The following MSRB3 variants were observed in gnomAD, a reference collection of about 807,000 sequenced individuals.
The protein encoded by MSRB3 is methionine-R-sulfoxide reductase B3.
In MSRB3, 13 loss-of-function variants were observed where a neutral mutation model predicts 21.0. That is an observed-to-expected ratio of 0.62 (90% CI 0.40 to 0.98). The LOEUF (loss-of-function observed/expected upper bound fraction) is 0.98, where lower values mean the gene tolerates loss of function less well. Ranked by LOEUF, MSRB3 falls within the 50% of genes least tolerant of loss-of-function variation. MSRB3 has a pLI of 0.00. For synonymous variants in MSRB3, 87 were observed against 88.6 expected (o/e 0.98, Z 0.10); for missense variants, 199 against 230.3 (o/e 0.86, Z 0.88).
chr12:65,424,781 T>C (rs1181472288), intron 5 of MSRB3, among the ~76,000 whole-genome samples: 1 of 151,344 alleles, frequency 6.6e-6, no homozygotes, highest in Admixed American at 6.6e-5. Flanking sequence ...ATATGTATTC[T>C]GCTGCTGTTG....
At chr12:65,347,612 C>A (rs1876609058) in intron 4 of MSRB3, among the ~76,000 whole-genome samples, 1 of 152,204 alleles carries the variant, frequency 6.6e-6, no homozygotes, top group Non-Finnish European at 1.5e-5. Context: ...GCCAGAACTT[C>A]CAACACTATG....
intron 4 of MSRB3, among the ~76,000 whole-genome samples, chr12:65,364,417 C>T (rs554442000): frequency 3.3e-5 from 5 of 152,134 alleles, no homozygotes; most frequent in South Asian, 2.1e-4. Context: ...CCAAAAGAAA[C>T]GGTTGAATAG....
intron 5 of MSRB3, among the ~76,000 whole-genome samples, chr12:65,401,086 G>A (rs1206572532): frequency 2.0e-5 from 3 of 152,200 alleles, no homozygotes; most frequent in Non-Finnish European, 4.4e-5. Context: ...TGTATATTCT[G>A]TTGATTTGGG....
At chr12:65,290,120 T>C (rs937281133) in intron 1 of MSRB3, among the ~76,000 whole-genome samples, 1 of 141,774 alleles carries the variant, frequency 7.1e-6, no homozygotes, top group African/African-American at 2.6e-5. Context: ...AGCTTCATTA[T>C]CTATATATTT....
chr12:65,357,218 C>G (rs1296310533), intron 4 of MSRB3, among the ~76,000 whole-genome samples: 1 of 151,864 alleles, frequency 6.6e-6, no homozygotes, highest in Non-Finnish European at 1.5e-5. Context: ...CATATCTAGT[C>G]TACCAATGCA....
At chr12:65,392,317 G>A (rs1879524776) in intron 5 of MSRB3, among the ~76,000 whole-genome samples, 1 of 152,134 alleles carries the variant, frequency 6.6e-6, no homozygotes, top group Non-Finnish European at 1.5e-5. Context: ...AATAGTGGAT[G>A]TCTATTTTTT....
At chr12:65,432,911 T>C (rs1006739999) in intron 5 of MSRB3, among the ~76,000 whole-genome samples, 1 of 151,992 alleles carries the variant, frequency 6.6e-6, no homozygotes, top group Non-Finnish European at 1.5e-5. Flanking sequence ...TGTGAATTTG[T>C]CAGTGACTCA....
At chr12:65,422,339 G>C (rs1370363190) in intron 5 of MSRB3, among the ~76,000 whole-genome samples, 12 of 142,122 alleles carry the variant, frequency 8.4e-5, no homozygotes, top group Admixed American at 8.1e-4. Context: ...AATTAACAAA[G>C]ATATTTAGGA....
chr12:65,430,894 A>G (rs1378540636), intron 5 of MSRB3, among the ~76,000 whole-genome samples: 1 of 152,072 alleles, frequency 6.6e-6, no homozygotes, highest in Non-Finnish European at 1.5e-5. Context: ...TCATACAGGC[A>G]AGTCTGGTGC....
At chr12:65,426,552 T>G (rs1351870482) in intron 5 of MSRB3, among the ~76,000 whole-genome samples, 1 of 152,212 alleles carries the variant, frequency 6.6e-6, no homozygotes, top group Non-Finnish European at 1.5e-5. Flanking sequence ...TGATTGATGA[T>G]ATTTATTACC....
chr12:65,344,582 T>C (rs1876364278), intron 4 of MSRB3, among the ~76,000 whole-genome samples: 3 of 152,034 alleles, frequency 2.0e-5, no homozygotes, highest in Admixed American at 1.3e-4. Context: ...GGTCTTTTTC[T>C]AGATTTTCAC....
intron 5 of MSRB3, among the ~76,000 whole-genome samples, chr12:65,436,860 A>G (rs1882140480): frequency 6.6e-6 from 1 of 151,928 alleles, no homozygotes; most frequent in African/African-American, 2.4e-5. Flanking sequence ...TTTGGAGACA[A>G]TCTTGGATTT....
intron 5 of MSRB3, among the ~76,000 whole-genome samples, chr12:65,386,021 C>A (rs1357802923): frequency 6.6e-6 from 1 of 151,722 alleles, no homozygotes; most frequent in Non-Finnish European, 1.5e-5. Flanking sequence ...TGTCTCTGAC[C>A]CCTGCATGTT....
At chr12:65,297,218 G>A (rs1315568845) in intron 1 of MSRB3, among the ~76,000 whole-genome samples, 1 of 152,056 alleles carries the variant, frequency 6.6e-6, no homozygotes, top group Non-Finnish European at 1.5e-5. Flanking sequence ...GGGGCCTGTT[G>A]GAGGGTGGGG....
At chr12:65,281,916 T>C (rs1185390514) in intron 1 of MSRB3, 1 of 152,238 alleles carries the variant, frequency 6.6e-6, no homozygotes, top group Non-Finnish European at 1.5e-5. Flanking sequence ...AATCAGCTAT[T>C]TAATTTGCCA....
intron 1 of MSRB3, among the ~76,000 whole-genome samples, chr12:65,307,498 G>T (rs1024637961): frequency 1.1e-4 from 16 of 152,090 alleles, no homozygotes; most frequent in Admixed American, 5.2e-4. Context: ...AAATGAACAA[G>T]ACATTAATTT....
At chr12:65,305,645 A>G (rs1262118045) in intron 1 of MSRB3, among the ~76,000 whole-genome samples, 1 of 152,186 alleles carries the variant, frequency 6.6e-6, no homozygotes, top group African/African-American at 2.4e-5. Context: ...GGGGAAAATG[A>G]TAGTATATAC....
chr12:65,448,895 AC>A (rs1438013643), intron 5 of MSRB3, among the ~76,000 whole-genome samples: 3 of 152,208 alleles, frequency 2.0e-5, no homozygotes. Flanking sequence ...ATTTTCTACC[AC>A]ATGCCCATAT....
chr12:65,418,695 C>T, intron 5 of MSRB3: 1 of 756,816 alleles, frequency 1.3e-6, no homozygotes, highest in South Asian at 1.4e-5. Context: ...CTTCCAGCTC[C>T]CCAGAGAGTA....
Sources: allele counts gnomAD v4.1 joint callset (sites outside exome capture counted in the v4.1 genomes callset), GRCh38; gene constraint gnomAD v4.1.1; transcripts MANE v1.5; gene names NCBI Gene and HGNC (gene_info 2026-07-23, HGNC 2026-07-21).